Variants in FIG4 observed in about 807,000 individuals in gnomAD.
The protein encoded by FIG4 is FIG4 phosphoinositide 5-phosphatase.
Under a neutral mutation model 118.6 loss-of-function variants are expected in FIG4, and 112 were observed. The observed-to-expected ratio is 0.94, with a 90% CI of 0.81 to 1.11. FIG4 has a LOEUF of 1.11. Ranked by LOEUF, FIG4 falls within the 50% of genes least tolerant of loss-of-function variation. The pLI is 0.00. For missense variants in FIG4, 969 were observed against 1,111.7 expected, an observed-to-expected ratio of 0.87 and a Z score of 1.83; for synonymous variants, 369 against 381.2, an observed-to-expected ratio of 0.97 and a Z score of 0.37.
chr6:109,738,293 T>C, intron 6 of FIG4, 32 bp from the exon 7 acceptor site: 1 of 1,563,584 alleles, frequency 6.4e-7, no homozygotes, highest in South Asian at 1.1e-5. Flanking sequence ...ATTTTGTGTA[T>C]TTATGGACTG....
chr6:109,729,462 C>T (rs1775916127), intron 4 of FIG4, among the ~76,000 whole-genome samples: 1 of 152,100 alleles, frequency 6.6e-6, no homozygotes, highest in Admixed American at 6.5e-5. Flanking sequence ...CAGCCTCATA[C>T]TGAAAGTCCC....
chr6:109,806,561 C>T (rs1045027785), intron 22 of FIG4, among the ~76,000 whole-genome samples: 2 of 151,084 alleles, frequency 1.3e-5, no homozygotes, highest in Non-Finnish European at 2.9e-5. Context: ...TAGGGATCAT[C>T]TGATTCCATC....
At chr6:109,724,657 T>C (rs1407377966) in intron 3 of FIG4, among the ~76,000 whole-genome samples, 2 of 152,182 alleles carry the variant, frequency 1.3e-5, no homozygotes, top group African/African-American at 4.8e-5. Flanking sequence ...GCATTATCTG[T>C]TAGAAAATGG....
In FIG4 at chr6:109,743,250, G is replaced by C; in HGVS notation, c.1017G>C (p.Met339Ile). 1 of 1,612,844 alleles carries C rather than the reference G, an allele frequency of 6.2e-7. No homozygotes were observed. The highest frequency in any genetic ancestry group is 1.7e-4 in the Middle Eastern group (1 of 6,050). The change falls in exon 9 of 23, where the codon ATG becomes ATC. Residue 339 changes from methionine to isoleucine, a missense_variant. Transcript: ENST00000230124. ...PLYWSQDISTMMPKPPITLDQ... is the reference protein window; with the variant it reads ...PLYWSQDISTIMPKPPITLDQ... ...ACTGGTCTCAGGACATTTCAACTAT[G>C]ATGCCTAAACCACCTATTACATGTG... is the stretch of plus-strand genomic sequence containing the variant.
chr6:109,708,592 A>G (rs933606134), intron 1 of FIG4, among the ~76,000 whole-genome samples: 3 of 152,216 alleles, frequency 2.0e-5, no homozygotes, highest in Non-Finnish European at 2.9e-5. Flanking sequence ...CTAACAGTGT[A>G]TAAGTGTTCC....
At chr6:109,736,663 A>C (rs1016933896) in intron 6 of FIG4, among the ~76,000 whole-genome samples, 4 of 152,190 alleles carry the variant, frequency 2.6e-5, no homozygotes, top group African/African-American at 9.7e-5. Context: ...CTCCAATGCT[A>C]CTAAATTTTT....
At chr6:109,696,347 T>G (rs1774718920) in intron 1 of FIG4, among the ~76,000 whole-genome samples, 2 of 152,212 alleles carry the variant, frequency 1.3e-5, no homozygotes, top group African/African-American at 2.4e-5. Flanking sequence ...ATCCATAGCT[T>G]TTTTATAATA....
intron 10 of FIG4, among the ~76,000 whole-genome samples, chr6:109,751,953 G>A (rs1776717926): frequency 6.8e-6 from 1 of 146,530 alleles, no homozygotes; most frequent in Admixed American, 6.8e-5. Flanking sequence ...TCGTCGTTTA[G>A]CATTAGGTAT....
intron 6 of FIG4, among the ~76,000 whole-genome samples, 179 bp downstream of exon 6, chr6:109,735,477 T>A (rs1776134339): frequency 6.6e-6 from 1 of 152,194 alleles, no homozygotes; most frequent in Non-Finnish European, 1.5e-5. Context: ...TTAATCACCA[T>A]GTGATTTCAT....
intron 22 of FIG4, among the ~76,000 whole-genome samples, chr6:109,809,442 T>C (rs1292671293): frequency 6.6e-6 from 1 of 152,246 alleles, no homozygotes; most frequent in East Asian, 1.9e-4. Context: ...TCTTAATGTC[T>C]TATATGGTAA....
At chr6:109,752,086 G>T (rs2128388915) in intron 10 of FIG4, among the ~76,000 whole-genome samples, 1 of 148,690 alleles carries the variant, frequency 6.7e-6, no homozygotes, top group East Asian at 2.0e-4. Flanking sequence ...AGAACATGCG[G>T]TGTTTGGTTT....
chr6:109,718,447 T>C (rs1583645196), intron 3 of FIG4, among the ~76,000 whole-genome samples: 1 of 152,222 alleles, frequency 6.6e-6, no homozygotes, highest in African/African-American at 2.4e-5. Flanking sequence ...GGGTCTTCTG[T>C]TTAGCACTTT....
chr6:109,728,504 A>AT (rs962989467), intron 4 of FIG4, among the ~76,000 whole-genome samples: 2 of 152,156 alleles, frequency 1.3e-5, no homozygotes, highest in African/African-American at 4.8e-5. Flanking sequence ...AACAGTTTAG[A>AT]TTTTAATTAT....
chr6:109,695,843 A>G (rs1245411475), intron 1 of FIG4, among the ~76,000 whole-genome samples: 1 of 152,218 alleles, frequency 6.6e-6, no homozygotes, highest in African/African-American at 2.4e-5. Context: ...ATCTGGGTGA[A>G]ACAGCGTTGG....
chr6:109,757,068 G>T (rs1466961671), intron 10 of FIG4, among the ~76,000 whole-genome samples: 3 of 151,974 alleles, frequency 2.0e-5, no homozygotes, highest in Non-Finnish European at 4.4e-5. Context: ...GTTCCTATTC[G>T]GCCATCTTGG....
intron 22 of FIG4, among the ~76,000 whole-genome samples, chr6:109,800,856 C>T (rs900977657): frequency 6.6e-6 from 1 of 152,124 alleles, no homozygotes; most frequent in Non-Finnish European, 1.5e-5. Flanking sequence ...AATAAGCACA[C>T]CAAGTTGTTA....
At chr6:109,737,464 C>T (rs544530493) in intron 6 of FIG4, among the ~76,000 whole-genome samples, 3 of 152,066 alleles carry the variant, frequency 2.0e-5, no homozygotes, top group South Asian at 4.1e-4. Context: ...TTAATTCTCT[C>T]GTGTAATGCA....
intron 3 of FIG4, among the ~76,000 whole-genome samples, chr6:109,726,514 G>A (rs1039308134): frequency 2.0e-5 from 3 of 151,706 alleles, no homozygotes; most frequent in Non-Finnish European, 2.9e-5. Flanking sequence ...CTTGTAGTAT[G>A]GTTTGAAGTC....
intron 16 of FIG4, among the ~76,000 whole-genome samples, chr6:109,778,738 A>G (rs1052119964): frequency 3.3e-5 from 5 of 151,942 alleles, no homozygotes; most frequent in Admixed American, 2.0e-4. Context: ...AGCTGGGACT[A>G]TGGGTGCCCA....
Sources: gnomAD v4.1 joint callset for allele counts (sites outside exome capture counted in the v4.1 genomes callset) on GRCh38, gnomAD v4.1.1 for gene constraint, MANE v1.5 for transcripts, NCBI Gene and HGNC (gene_info 2026-07-23, HGNC 2026-07-21) for gene names.